TMEM132C: variants seen among roughly 807,000 people sequenced by gnomAD.
TMEM132C encodes transmembrane protein 132C.
In TMEM132C, 29 loss-of-function variants were observed where a neutral mutation model predicts 61.4. The observed-to-expected ratio is 0.47, with a 90% CI of 0.35 to 0.64. The LOEUF (loss-of-function observed/expected upper bound fraction) is 0.64. Ranked by LOEUF, TMEM132C falls within the 30% of genes least tolerant of loss-of-function variation. The pLI is 0.00. For synonymous variants in TMEM132C, 656 were observed against 633.1 expected (o/e 1.04, Z -0.54); for missense variants, 1,408 against 1,476.9 (o/e 0.95, Z 0.76).
intron 1 of TMEM132C, among the ~76,000 whole-genome samples, chr12:128,353,214 A>C (rs911453856): frequency 5.3e-5 from 8 of 152,204 alleles, no homozygotes; most frequent in African/African-American, 1.7e-4. Context: ...CAGTGAATAA[A>C]ATCTAAAAAT....
chr12:128,437,440 A>C (rs1869639780), intron 2 of TMEM132C, among the ~76,000 whole-genome samples: 1 of 152,194 alleles, frequency 6.6e-6, no homozygotes. Context: ...CTTCCTCTGT[A>C]CTTACCCAGG....
intron 1 of TMEM132C, among the ~76,000 whole-genome samples, chr12:128,318,624 T>C (rs558634475): frequency 6.6e-6 from 1 of 152,352 alleles, no homozygotes; most frequent in East Asian, 1.9e-4. Flanking sequence ...AGATCGCGTC[T>C]GTTGCCAGCT....
At chr12:128,578,939 T>C (rs1875229066) in intron 3 of TMEM132C, among the ~76,000 whole-genome samples, 1 of 152,168 alleles carries the variant, frequency 6.6e-6, no homozygotes. Flanking sequence ...AGTTATAATT[T>C]GGGAGATCGT....
intron 2 of TMEM132C, among the ~76,000 whole-genome samples, chr12:128,425,481 A>G (rs1027658468): frequency 1.3e-5 from 2 of 152,250 alleles, no homozygotes; most frequent in Non-Finnish European, 2.9e-5. Context: ...ACCACTGCGC[A>G]GTTTGGGGGA....
chr12:128,613,313 T>C (rs1876694941), intron 3 of TMEM132C, among the ~76,000 whole-genome samples: 1 of 152,142 alleles, frequency 6.6e-6, no homozygotes, highest in Non-Finnish European at 1.5e-5. Context: ...GAATGCAAGA[T>C]TGTCTGCAGG....
At chr12:128,302,318 T>C (rs1442103161) in intron 1 of TMEM132C, among the ~76,000 whole-genome samples, 1 of 152,208 alleles carries the variant, frequency 6.6e-6, no homozygotes, top group Non-Finnish European at 1.5e-5. Flanking sequence ...TATTATTATC[T>C]GTCTCACAAA....
At chr12:128,370,899 G>T (rs561091724) in intron 1 of TMEM132C, among the ~76,000 whole-genome samples, 80 of 152,250 alleles carry the variant, frequency 5.3e-4, no homozygotes, top group Admixed American at 9.8e-4. Context: ...AGCTCACTAT[G>T]CCCCAGACAT....
chr12:128,479,562 A>G lies in TMEM132C; in HGVS notation c.974+63942A>G, dbSNP rs142647728. 4.6e-3 allele frequency among the ~76,000 whole-genome samples: 695 copies of G among 152,360 alleles called. 12 individuals are homozygous for G. The highest frequency in any genetic ancestry group is 0.016 in the African/African-American group (656 of 41,588). Reference sequence around the variant, plus strand: ...CATTGATAAAGTTTTATCAGAGCCCAGTCCAGTCATGTTCGTTTGTTTATA... The same window carrying G: ...CATTGATAAAGTTTTATCAGAGCCCGGTCCAGTCATGTTCGTTTGTTTATA... On this transcript the variant is annotated intron_variant, in intron 2 of 8. Coordinates refer to ENST00000435159, the MANE Select transcript of TMEM132C (RefSeq NM_001136103.3).
chr12:128,688,567 G>A (rs1358392392), intron 5 of TMEM132C, among the ~76,000 whole-genome samples: 1 of 152,160 alleles, frequency 6.6e-6, no homozygotes, highest in Non-Finnish European at 1.5e-5. Flanking sequence ...CGTGCTAAAA[G>A]TTCCAGCAAA....
chr12:128,476,430 T>C (rs1408525845), intron 2 of TMEM132C, among the ~76,000 whole-genome samples: 1 of 152,108 alleles, frequency 6.6e-6, no homozygotes, highest in Non-Finnish European at 1.5e-5. Flanking sequence ...GAGGTTGTAA[T>C]GGGAGAGAAA....
At chr12:128,607,295 G>T (rs1041248902) in intron 3 of TMEM132C, among the ~76,000 whole-genome samples, 2 of 152,188 alleles carry the variant, frequency 1.3e-5, no homozygotes, top group Non-Finnish European at 2.9e-5. Context: ...AGTCCCAGGG[G>T]TGAGGGTGGG....
chr12:128,662,931 G>A (rs1273858230), intron 4 of TMEM132C, among the ~76,000 whole-genome samples: 1 of 152,148 alleles, frequency 6.6e-6, no homozygotes, highest in Non-Finnish European at 1.5e-5. Context: ...GAATGTGTCT[G>A]TTCTTAGTCC....
chr12:128,367,442 A>G (rs527591616), intron 1 of TMEM132C, among the ~76,000 whole-genome samples: 10 of 152,192 alleles, frequency 6.6e-5, no homozygotes, highest in African/African-American at 2.4e-4. Context: ...TGACAATGCT[A>G]CTCTCCACCC....
At chr12:128,378,555 G>A (rs1021530220) in intron 1 of TMEM132C, among the ~76,000 whole-genome samples, 11 of 152,174 alleles carry the variant, frequency 7.2e-5, no homozygotes, top group African/African-American at 1.7e-4. Context: ...TTTCAGGAAC[G>A]CCTACATCAA....
rs149371163 is a variant in TMEM132C, at chr12:128,590,700, G to A, written c.1122-25452G>A. The stretch of plus-strand genomic sequence containing the variant: ...CGCAGGAGGTTCAGGCTGTCCAGGG[G>A]CAAGGGGTGTAGACATGCTGGACTG... On this transcript the variant is annotated intron_variant, in intron 3 of 8. Transcript: ENST00000435159. Among the ~76,000 whole-genome samples, 633 of 152,328 alleles carry A rather than the reference G, an allele frequency of 4.2e-3. 3 individuals carry two copies. The highest frequency in any genetic ancestry group is 7.2e-3 in the Non-Finnish European group (490 of 68,026).
In TMEM132C at chr12:128,565,607, A is replaced by G. The variant is rs185243230; in HGVS notation, c.1121+21504A>G. 3.9e-5 allele frequency among the ~76,000 whole-genome samples: 6 copies of G among 152,342 alleles called. No individual in the cohort carries two copies. In the East Asian group the frequency reaches 1.2e-3, roughly 29 times the overall value. On this transcript the variant is annotated intron_variant, in intron 3 of 8. Coordinates refer to ENST00000435159, the MANE Select transcript of TMEM132C (RefSeq NM_001136103.3). ...ATGGATATCATTTCATTTGATCATC[A>G]CAATAAACCTTTGAGAGCTGGACGG... is the stretch of plus-strand genomic sequence containing the variant.
chr12:128,336,259 TATA>T (rs1872789282), intron 1 of TMEM132C, among the ~76,000 whole-genome samples: 1 of 152,248 alleles, frequency 6.6e-6, no homozygotes, highest in South Asian at 2.1e-4. Flanking sequence ...TATGCATGCC[TATA>T]ATACTACATT....
intron 5 of TMEM132C, among the ~76,000 whole-genome samples, chr12:128,688,583 A>G (rs894552801): frequency 6.6e-6 from 1 of 152,238 alleles, no homozygotes; most frequent in African/African-American, 2.4e-5. Context: ...GCAAAAGAAC[A>G]ATGAGTTATA....
chr12:128,585,451 A>AGTGAC (rs1875509931), intron 3 of TMEM132C, among the ~76,000 whole-genome samples: 1 of 152,194 alleles, frequency 6.6e-6, no homozygotes, highest in Admixed American at 6.5e-5. Context: ...TGTGTTCTGC[A>AGTGAC]GTGACAGATG....
Sources: allele counts gnomAD v4.1 joint callset (sites outside exome capture counted in the v4.1 genomes callset), GRCh38; gene constraint gnomAD v4.1.1; transcripts MANE v1.5; gene names NCBI Gene and HGNC (gene_info 2026-07-23, HGNC 2026-07-21).